TRAF7: variants seen among roughly 807,000 people sequenced by gnomAD.
TRAF7 encodes the protein TNF receptor associated factor 7, also known as E3 ubiquitin-protein ligase TRAF7.
Under a neutral mutation model 89.3 loss-of-function variants are expected in TRAF7, and 45 were observed. The ratio of observed to expected loss-of-function variants is 0.50; its 90% confidence interval spans 0.40 to 0.65. TRAF7 has a LOEUF of 0.65. Among genes scored for constraint, TRAF7 ranks in the 30% least tolerant of loss-of-function variants. TRAF7 has a pLI of 0.00. For missense variants in TRAF7, 677 were observed against 918.1 expected (o/e 0.74, Z 3.39); for synonymous variants, 406 against 369.2 (o/e 1.10, Z -1.14).
chr16:2,171,367 C>T lies in TRAF7; in HGVS notation c.441+11C>T, dbSNP rs199553312. ...ATCACCACGTGTGGGGTGAGCCCGCCGCCCTTCCCAGCCCCCCTGCTGCCA... is the reference window on the plus strand; with the variant it reads ...ATCACCACGTGTGGGGTGAGCCCGCTGCCCTTCCCAGCCCCCCTGCTGCCA... On this transcript the variant is annotated intron_variant, in intron 6 of 20. Transcript: ENST00000326181. The T allele has an allele frequency of 6.0e-3, 9,312 of 1,547,020 alleles. 34 individuals carry two copies. Among genetic ancestry groups the T allele is most frequent in the Non-Finnish European group, 6.5e-3 (7,425 of 1,143,848 alleles).
chr16:2,170,615 C>G lies in TRAF7; in HGVS notation c.233C>G (p.Pro78Arg), dbSNP rs774445684. 6 of 1,608,816 alleles carry G rather than the reference C, an allele frequency of 3.7e-6. No homozygotes were observed. The highest frequency in any genetic ancestry group is 2.7e-5 in the African/African-American group (2 of 74,508). The change falls in exon 5 of 21, where the codon CCC (proline) becomes CGC (arginine). Residue 78 changes from proline to arginine, a missense_variant and splice_region_variant. This residue lies in a region of TRAF7 where 240 missense variants were observed against 191.9 expected (regional missense o/e 1.25). Coordinates refer to ENST00000326181, the MANE Select transcript of TRAF7 (RefSeq NM_032271.3). Reference sequence around the variant, plus strand: ...ACAGGCGCCTCTCCCTCCACACAGCCCCCCATCAGCACTCCCCGCCGCTCC... The same window carrying G: ...ACAGGCGCCTCTCCCTCCACACAGCGCCCCATCAGCACTCCCCGCCGCTCC... ...YSPRDEEDSM[P>R]PISTPRRSDS...
chr16:2,162,090 C>T lies in TRAF7; in HGVS notation c.-38-1793C>T, dbSNP rs114435751. On this transcript the variant is annotated intron_variant, in intron 1 of 20. Transcript: ENST00000326181. The surrounding 1 kb of genome is among the most constrained non-coding windows in gnomAD (Gnocchi z 5.0). ...GGCCCCATCTCCCGAGACCATGGGA[C>T]GCAAAGATCAGGTGGGGCCAGGTAG... Among the ~76,000 whole-genome samples the T allele has an allele frequency of 2.0e-5, 3 of 152,342 alleles. No homozygotes were observed. The highest frequency in any genetic ancestry group is 2.4e-5 in the African/African-American group (1 of 41,574).
intron 3 of TRAF7, among the ~76,000 whole-genome samples, chr16:2,167,176 G>T (rs566460823): frequency 6.6e-6 from 1 of 152,228 alleles, no homozygotes; most frequent in Admixed American, 6.5e-5. Context: ...ACGGCGGAAG[G>T]TACCCATGAT....
Position 2,176,330 on chromosome 16 carries a change from G to A in TRAF7, c.1944G>A (p.Ala648=), listed in dbSNP as rs371337922. 2.0e-5 allele frequency: 32 copies of A among 1,604,330 alleles called. No individual in the cohort carries two copies. Among genetic ancestry groups the A allele is most frequent in the African/African-American group, 2.7e-5 (2 of 74,902 alleles). ...TGCGTCACCAGGGCAGTGTCACCGC[G>A]CTGGCTGTGTCCCGGGGCCGACTCT... ...TLLRHQGSVT[A]LAVSRGRLFS... Residue 648 remains alanine, a synonymous_variant, in exon 20 of 21, where the codon GCG becomes GCA. Coordinates refer to ENST00000326181, the MANE Select transcript of TRAF7 (RefSeq NM_032271.3).
At chr16:2,165,843 C>G (rs747934773) in intron 2 of TRAF7, 36 bp from the exon 3 acceptor site, 2 of 1,613,472 alleles carry the variant, frequency 1.2e-6, no homozygotes, top group Non-Finnish European at 1.7e-6. Context: ...CCTTGTGTCC[C>G]GGAATGAGGC....
Position 2,176,619 on chromosome 16 carries a change from C to A in TRAF7, c.*45C>A. 3 of 1,613,090 alleles carry A rather than the reference C, an allele frequency of 1.9e-6. No individual in the cohort carries two copies. The highest frequency in any genetic ancestry group is 2.5e-6 in the Non-Finnish European group (3 of 1,179,928). Reference sequence around the variant, plus strand: ...TGGTTTCCCCTGAACCAGCCCTGGACCTTTCTGAGCCAGGCTGGCCACATG... The same window carrying A: ...TGGTTTCCCCTGAACCAGCCCTGGAACTTTCTGAGCCAGGCTGGCCACATG... On this transcript the variant is annotated 3_prime_UTR_variant, in exon 21 of 21. Coordinates refer to ENST00000326181, the MANE Select transcript of TRAF7 (RefSeq NM_032271.3).
chr16:2,161,720 G>A lies in TRAF7; in HGVS notation c.-38-2163G>A, dbSNP rs941078058. 6.6e-6 allele frequency among the ~76,000 whole-genome samples: 1 copy of A among 152,204 alleles called. No individual in the cohort carries two copies. The highest frequency in any genetic ancestry group is 2.4e-5 in the African/African-American group (1 of 41,456). Reference sequence around the variant, plus strand: ...CTCCTGTGCCGAGTCATGGCGCCCTGCACTTCAGGCTATCAGGGCCTTACC... The same window carrying A: ...CTCCTGTGCCGAGTCATGGCGCCCTACACTTCAGGCTATCAGGGCCTTACC... On this transcript the variant is annotated intron_variant, in intron 1 of 20. Transcript: ENST00000326181. This position sits in a 1 kb window ranked among gnomAD's most constrained non-coding sequence, Gnocchi z 5.2.
intron 3 of TRAF7, among the ~76,000 whole-genome samples, chr16:2,167,155 G>A (rs921615892): frequency 3.3e-5 from 5 of 152,096 alleles, no homozygotes; most frequent in African/African-American, 9.7e-5. Context: ...AAGCCCCATG[G>A]CCCCTGTCAC....
intron 3 of TRAF7, 111 bp downstream of exon 3, chr16:2,166,047 T>C: frequency 7.2e-7 from 1 of 1,386,320 alleles, no homozygotes; most frequent in Non-Finnish European, 1.0e-6. Context: ...TGGGTGCCAG[T>C]GCTGGGCGCG....
chr16:2,162,602 C>T lies in TRAF7; in HGVS notation c.-38-1281C>T, dbSNP rs570844467. Among the ~76,000 whole-genome samples the T allele has an allele frequency of 3.7e-4, 57 of 152,174 alleles. No individual in the cohort carries two copies. The highest frequency in any genetic ancestry group is 7.1e-4 in the Non-Finnish European group (48 of 67,970). ...GCCCCTGGGGCCTTGGTTTGCAGCC[C>T]GGCTTCCCCAGGGTGAGAGCAGGGC... is the stretch of plus-strand genomic sequence containing the variant. On this transcript the variant is annotated intron_variant, in intron 1 of 20. Coordinates refer to ENST00000326181, the MANE Select transcript of TRAF7 (RefSeq NM_032271.3). The surrounding 1 kb of genome is among the most constrained non-coding windows in gnomAD (Gnocchi z 5.0).
rs1016242286 is a variant in TRAF7, at chr16:2,159,212, A to G, written c.-39+3354A>G. 2.0e-5 allele frequency among the ~76,000 whole-genome samples: 3 copies of G among 152,076 alleles called. No homozygotes were observed. The highest frequency in any genetic ancestry group is 7.2e-5 in the African/African-American group (3 of 41,402). ...ACAGGCCTGGAGGCTGAGTGGATGC[A>G]GTAGGAGCAGAGCTGGGGGAGGAGT... is the stretch of plus-strand genomic sequence containing the variant. On this transcript the variant is annotated intron_variant, in intron 1 of 20. Transcript: ENST00000326181. The surrounding 1 kb of genome is among the most constrained non-coding windows in gnomAD (Gnocchi z 6.5).
At position 2,176,255 on chromosome 16, in the gene TRAF7, G is replaced by T; in HGVS notation, c.1879-10G>T. 6.2e-7 allele frequency: 1 copy of T among 1,601,022 alleles called. No individual in the cohort carries two copies. The highest frequency in any genetic ancestry group is 8.5e-7 in the Non-Finnish European group (1 of 1,179,356). On this transcript the variant is annotated splice_polypyrimidine_tract_variant and intron_variant, in intron 19 of 20. Transcript: ENST00000326181. ...GCTCCGGCGGGCCCTCACGTCCCAT[G>T]TGCCCCCAGGTCTGGAGTATGGACA...
chr16:2,176,232 T>A, intron 19 of TRAF7, 33 bp from the exon 20 acceptor site: 1 of 1,600,438 alleles, frequency 6.2e-7, no homozygotes, highest in Non-Finnish European at 8.5e-7. Flanking sequence ...GCAGCTGAGC[T>A]CCGGCGGGCC....
rs547050029 is a variant in TRAF7, at chr16:2,162,642, C to T, written c.-38-1241C>T. 4.6e-4 allele frequency among the ~76,000 whole-genome samples: 70 copies of T among 152,196 alleles called. No individual in the cohort carries two copies. Among genetic ancestry groups the T allele is most frequent in the African/African-American group, 1.5e-3 (64 of 41,558 alleles). On this transcript the variant is annotated intron_variant, in intron 1 of 20. Coordinates refer to ENST00000326181, the MANE Select transcript of TRAF7 (RefSeq NM_032271.3). This position sits in a 1 kb window ranked among gnomAD's most constrained non-coding sequence, Gnocchi z 5.0. ...GAGAGCAGGGCCGCAGGAGTGGGCT[C>T]CCTGCTGCTGCACCGCCCCCAGAGC...
chr16:2,158,428 AGCCGGCT>A lies in TRAF7; in HGVS notation c.-39+2574_-39+2580del. On this transcript the variant is annotated intron_variant, in intron 1 of 20. Coordinates refer to ENST00000326181, the MANE Select transcript of TRAF7 (RefSeq NM_032271.3). This position sits in a 1 kb window ranked among gnomAD's most constrained non-coding sequence, Gnocchi z 4.7. Reference sequence around the variant, plus strand: ...CGGACACCCTCACCCGGCTGGAGGAAGCCGGCTGCCTGGAAACTCGGGGTGGAGGTGA... The same window carrying A: ...CGGACACCCTCACCCGGCTGGAGGAAGCCTGGAAACTCGGGGTGGAGGTGA... Among the ~76,000 whole-genome samples the A allele has an allele frequency of 6.6e-6, 1 of 152,270 alleles. No individual in the cohort carries two copies. Among genetic ancestry groups the A allele is most frequent in the Non-Finnish European group, 1.5e-5 (1 of 68,014 alleles).
chr16:2,177,561 C>A lies in TRAF7; in HGVS notation c.*987C>A. Reference sequence around the variant, plus strand: ...GGCGAGAATGACCACACAACACAGCCTTGGACCATGAGCAGAAGCGTCCGT... The same window carrying A: ...GGCGAGAATGACCACACAACACAGCATTGGACCATGAGCAGAAGCGTCCGT... On this transcript the variant is annotated 3_prime_UTR_variant, in exon 21 of 21. Transcript: ENST00000326181. The A allele has an allele frequency of 4.2e-6, 1 of 236,568 alleles. No individual in the cohort carries two copies. Among genetic ancestry groups the A allele is most frequent in the Admixed American group, 5.5e-5 (1 of 18,348 alleles). The allele number at this position is 236,568 out of a possible 1,614,324, so 14.7% of individuals were successfully genotyped here.
At position 2,176,191 on chromosome 16, in the gene TRAF7, G is replaced by A. The variant is rs1188259766; in HGVS notation, c.1878+11G>A. 1 of 1,603,634 alleles carries A rather than the reference G, an allele frequency of 6.2e-7. No individual in the cohort carries two copies. The highest frequency in any genetic ancestry group is 8.5e-7 in the Non-Finnish European group (1 of 1,178,700). On this transcript the variant is annotated intron_variant, in intron 19 of 20. Coordinates refer to ENST00000326181, the MANE Select transcript of TRAF7 (RefSeq NM_032271.3). ...GACCGGTCCCTCAGGGTGCGTGCTG[G>A]CCCAGCGGTGGCAGGAGGCTCAGAG...
chr16:2,159,870 C>T lies in TRAF7; in HGVS notation c.-39+4012C>T, dbSNP rs1290492387. Among the ~76,000 whole-genome samples, 1 of 152,254 alleles carries T rather than the reference C, an allele frequency of 6.6e-6. No individual in the cohort carries two copies. The highest frequency in any genetic ancestry group is 2.4e-5 in the African/African-American group (1 of 41,474). On this transcript the variant is annotated intron_variant, in intron 1 of 20. Transcript: ENST00000326181. The surrounding 1 kb of genome is among the most constrained non-coding windows in gnomAD (Gnocchi z 6.5). ...GGGAGCTGCATCTGGAAGCCCCCAT[C>T]TCCCCCACTCAGCAGGGCCCCCCAG... is the stretch of plus-strand genomic sequence containing the variant.
chr16:2,172,635 G>GGGGGGGGC, intron 9 of TRAF7, 36 bp downstream of exon 9: 3 of 1,273,304 alleles, frequency 2.4e-6, no homozygotes, highest in Non-Finnish European at 3.3e-6. Context: ...GCCGGGGTGG[G>GGGGGGGGC]CGCAGGCCCT....
Sources: gnomAD v4.1 joint callset for allele counts (sites outside exome capture counted in the v4.1 genomes callset) on GRCh38, gnomAD v4.1.1 for gene constraint, gnomAD v4.1.1 regional missense constraint, Gnocchi (gnomAD v3.1) non-coding constraint, MANE v1.5 for transcripts, NCBI Gene and HGNC (gene_info 2026-07-23, HGNC 2026-07-21) for gene names.